Variants in ARFRP1 observed in about 807,000 individuals in gnomAD.
ARFRP1 encodes ARF related protein 1, also known as ADP-ribosylation factor-related protein 1.
In ARFRP1, 19 loss-of-function variants were observed where a neutral mutation model predicts 30.3. The ratio of observed to expected loss-of-function variants is 0.63; its 90% CI spans 0.44 to 0.92. ARFRP1 has a LOEUF of 0.92. Ranked by LOEUF, ARFRP1 falls within the 40% of genes least tolerant of loss-of-function variation. The pLI is 0.00. For missense variants in ARFRP1, 245 were observed against 267.5 expected (o/e 0.92, Z 0.59); for synonymous variants, 133 against 114.2 (o/e 1.16, Z -1.05).
In ARFRP1 at chr20:63,706,756, G is replaced by A. The variant is rs752628142; in HGVS notation, c.94-18C>T. ...AGGAAGGTCTGAGGAGAGAGGCAGA[G>A]GCGAAACACATCAAGGAGGGGCTAT... On this transcript the variant is annotated intron_variant, in intron 2 of 7. Coordinates refer to ENST00000622789, the MANE Select transcript of ARFRP1 (RefSeq NM_001267547.3). 1.9e-6 allele frequency: 3 copies of A among 1,580,232 alleles called. No individual in the cohort carries two copies. In the South Asian group the frequency reaches 3.3e-5, roughly 17 times the overall value.
intron 4 of ARFRP1, chr20:63,704,787 C>G (rs1175890228): frequency 6.6e-6 from 1 of 152,280 alleles, no homozygotes; most frequent in Non-Finnish European, 1.5e-5. Flanking sequence ...ACTGCACCAG[C>G]AGATGGTCTC....
In ARFRP1 at chr20:63,699,111, C is replaced by G. The variant is rs1343193779; in HGVS notation, c.*1332G>C. ...TCTCTGGGGCAGGCTCTGAAGCCTCCCGATGCACCCAGAGCAACCGGGGGG... is the reference window on the plus strand; with the variant it reads ...TCTCTGGGGCAGGCTCTGAAGCCTCGCGATGCACCCAGAGCAACCGGGGGG... On this transcript the variant is annotated 3_prime_UTR_variant, in exon 8 of 8. Transcript: ENST00000622789. 6.6e-6 allele frequency: 1 copy of G among 152,242 alleles called. No homozygotes were observed. Among genetic ancestry groups the G allele is most frequent in the African/African-American group, 2.4e-5 (1 of 41,428 alleles). The allele number at this position is 152,242 out of a possible 1,614,324, so 9.4% of individuals were successfully genotyped here.
intron 4 of ARFRP1, chr20:63,706,142 G>C: frequency 1.9e-6 from 1 of 524,888 alleles, no homozygotes; most frequent in East Asian, 3.5e-5. Context: ...CTCCCAAGTG[G>C]GAAACTCCCC....
chr20:63,701,367 C>T (rs537492154), intron 6 of ARFRP1: 26 of 538,320 alleles, frequency 4.8e-5, no homozygotes, highest in African/African-American at 3.6e-4. Flanking sequence ...CCAGTGCTCC[C>T]GGGGGCAGTG....
intron 5 of ARFRP1, 47 bp from the exon 6 acceptor site, chr20:63,701,947 C>T: frequency 6.5e-7 from 1 of 1,528,184 alleles, no homozygotes. Context: ...CATCCTGCCT[C>T]TGACTGCCCA....
chr20:63,700,307 C>T lies in ARFRP1; in HGVS notation c.*136G>A, dbSNP rs191379309. Reference sequence around the variant, plus strand: ...TTTCCAGACATAGAGGAAAGTTTGTCTTCGAGAAAACAAAGTAAATAGAAG... The same window carrying T: ...TTTCCAGACATAGAGGAAAGTTTGTTTTCGAGAAAACAAAGTAAATAGAAG... On this transcript the variant is annotated 3_prime_UTR_variant, in exon 8 of 8. Coordinates refer to ENST00000622789, the MANE Select transcript of ARFRP1 (RefSeq NM_001267547.3). The T allele has an allele frequency of 5.7e-4, 746 of 1,304,970 alleles. 5 individuals are homozygous for T. In the African/African-American group the frequency reaches 0.01, roughly 18 times the overall value. 80.8% of individuals were successfully genotyped at this position (1,304,970 alleles called of 1,614,324 possible).
chr20:63,702,537 G>T lies in ARFRP1; in HGVS notation c.265-320C>A, dbSNP rs2091265050. The stretch of plus-strand genomic sequence containing the variant: ...GGAGGCAGAAGCAGGAGGATCACCT[G>T]AGCCCACTTCACGGCCAACCTGGGC... On this transcript the variant is annotated intron_variant, in intron 4 of 7. Coordinates refer to ENST00000622789, the MANE Select transcript of ARFRP1 (RefSeq NM_001267547.3). The T allele has an allele frequency of 1.1e-5, 4 of 365,406 alleles. No individual in the cohort carries two copies. The East Asian group carries it at 2.4e-4, about 22-fold the overall frequency. 22.6% of individuals were successfully genotyped at this position (365,406 alleles called of 1,614,324 possible). A position where few individuals can be genotyped will look rare whatever the true frequency, so the allele number is the denominator to read the frequency against.
intron 6 of ARFRP1, chr20:63,701,457 T>C: frequency 2.1e-6 from 1 of 487,654 alleles, no homozygotes; most frequent in Non-Finnish European, 4.1e-6. Flanking sequence ...CAGGAACAGG[T>C]AAGGGTCAGA....
chr20:63,702,270 G>T, intron 4 of ARFRP1, 53 bp from the exon 5 acceptor site: 1 of 1,532,358 alleles, frequency 6.5e-7, no homozygotes, highest in Non-Finnish European at 9.0e-7. Context: ...CCAAGGGCCA[G>T]CAGAGCCAGG....
Position 63,699,370 on chromosome 20 carries a change from A to C in ARFRP1, c.*1073T>G, listed in dbSNP as rs2091079671. Reference sequence around the variant, plus strand: ...GACCCCATGTCCTTCCCACATCCGCAGGAAGGGAGTGCCTGGACTCTCCAG... The same window carrying C: ...GACCCCATGTCCTTCCCACATCCGCCGGAAGGGAGTGCCTGGACTCTCCAG... On this transcript the variant is annotated 3_prime_UTR_variant, in exon 8 of 8. Transcript: ENST00000622789. The C allele has an allele frequency of 6.6e-6, 1 of 151,524 alleles. No individual in the cohort carries two copies. The highest frequency in any genetic ancestry group is 2.4e-5 in the African/African-American group (1 of 41,112). The allele number at this position is 151,524 out of a possible 1,614,324, so 9.4% of individuals were successfully genotyped here. A position where few individuals can be genotyped will look rare whatever the true frequency, so the allele number is the denominator to read the frequency against.
intron 4 of ARFRP1, chr20:63,702,472 G>A: frequency 1.9e-6 from 1 of 523,600 alleles, no homozygotes. Flanking sequence ...CAGGGATTGG[G>A]CCAGGCGTGG....
chr20:63,702,471 G>A (rs2145552644), intron 4 of ARFRP1: 1 of 523,560 alleles, frequency 1.9e-6, no homozygotes, highest in Admixed American at 3.3e-5. Context: ...ACAGGGATTG[G>A]GCCAGGCGTG....
At position 63,702,041 on chromosome 20, in the gene ARFRP1, C is replaced by G. The variant is rs1198015108; in HGVS notation, c.346+95G>C. On this transcript the variant is annotated intron_variant, in intron 5 of 7. Coordinates refer to ENST00000622789, the MANE Select transcript of ARFRP1 (RefSeq NM_001267547.3). ...ACCCACTAGGCAGGAGCACTTCTGA[C>G]CAGACACTGAGCCTGCCCCAGGCAC... is the stretch of plus-strand genomic sequence containing the variant. 7 of 1,253,262 alleles carry G rather than the reference C, an allele frequency of 5.6e-6. No homozygotes were observed. The Admixed American group carries it at 1.1e-4, about 19-fold the overall frequency. 77.6% of individuals were successfully genotyped at this position (1,253,262 alleles called of 1,614,324 possible). A position where few individuals can be genotyped will look rare whatever the true frequency, so the allele number is the denominator to read the frequency against.
At chr20:63,705,074 T>C in intron 4 of ARFRP1, 1 of 152,628 alleles carries the variant, frequency 6.6e-6, no homozygotes, top group Non-Finnish European at 1.5e-5. Flanking sequence ...TCGACCTGTC[T>C]CAGCATCTGT....
In ARFRP1 at chr20:63,700,029, G is replaced by T; in HGVS notation, c.*414C>A. The T allele has an allele frequency of 3.8e-6, 1 of 261,188 alleles. No individual in the cohort carries two copies. Among genetic ancestry groups the T allele is most frequent in the Non-Finnish European group, 7.6e-6 (1 of 131,874 alleles). 16.2% of individuals were successfully genotyped at this position (261,188 alleles called of 1,614,324 possible). On this transcript the variant is annotated 3_prime_UTR_variant, in exon 8 of 8. Coordinates refer to ENST00000622789, the MANE Select transcript of ARFRP1 (RefSeq NM_001267547.3). ...GTCACAGGGCAGAAGCCAGATGGCA[G>T]CCATGGCTGACGGGCCTCCTCCTCG...
intron 2 of ARFRP1, 111 bp from the exon 3 acceptor site, chr20:63,706,849 C>T: frequency 7.8e-7 from 1 of 1,274,676 alleles, no homozygotes; most frequent in Middle Eastern, 1.8e-4. Flanking sequence ...GAGCAACACT[C>T]TGCTCTTCAG....
At chr20:63,707,308 C>T (rs1424291481) in intron 1 of ARFRP1, 1 of 558,644 alleles carries the variant, frequency 1.8e-6, no homozygotes, top group East Asian at 3.0e-5. Context: ...GCAATGACTG[C>T]GACCTCTCCG....
In ARFRP1 at chr20:63,699,567, T is replaced by C. The variant is rs1274254315; in HGVS notation, c.*876A>G. 6.6e-6 allele frequency: 1 copy of C among 152,466 alleles called. No homozygotes were observed. The highest frequency in any genetic ancestry group is 1.5e-5 in the Non-Finnish European group (1 of 68,152). The allele number at this position is 152,466 out of a possible 1,614,324, so 9.4% of individuals were successfully genotyped here. On this transcript the variant is annotated 3_prime_UTR_variant, in exon 8 of 8. Transcript: ENST00000622789. ...TGGGTGACACTGGGCAGGCCGCTCC[T>C]GCCCACAGCCAGACTGAGGAAGAAC... is the stretch of plus-strand genomic sequence containing the variant.
rs1175784313 is a variant in ARFRP1 at position 63,700,712 on chromosome 20, G to A, written c.418-10C>T. 3.1e-6 allele frequency: 5 copies of A among 1,609,744 alleles called. No individual in the cohort carries two copies. ...GGATTGAGAGGCACGTCTGGGGGAG[G>A]TAAGGCCGTGAGGAGCAGCCCCCAC... On this transcript the variant is annotated splice_polypyrimidine_tract_variant and intron_variant, in intron 6 of 7. Coordinates refer to ENST00000622789, the MANE Select transcript of ARFRP1 (RefSeq NM_001267547.3).
Sources: gnomAD v4.1 joint callset for allele counts on GRCh38, gnomAD v4.1.1 for gene constraint, MANE v1.5 for transcripts, NCBI Gene and HGNC (gene_info 2026-07-23, HGNC 2026-07-21) for gene names.